Variants in RELN observed in about 807,000 individuals in gnomAD.
RELN encodes the protein reelin.
A neutral mutation model predicts 427.6 loss-of-function variants in RELN; 108 were observed. That is an observed-to-expected ratio of 0.25 (90% CI 0.22 to 0.30). The LOEUF is 0.30. RELN is among the 10% of genes least tolerant of loss of function. The pLI, the probability that RELN is intolerant of heterozygous loss-of-function variation, is 1.00. For synonymous variants in RELN, 1,524 were observed against 1,513.4 expected, an observed-to-expected ratio of 1.01 and a Z score of -0.16; for missense variants, 3,715 against 4,302.8, an observed-to-expected ratio of 0.86 and a Z score of 3.82.
intron 22 of RELN, among the ~76,000 whole-genome samples, chr7:103,605,741 T>C (rs1342338230): frequency 3.3e-5 from 5 of 152,216 alleles, no homozygotes; most frequent in Non-Finnish European, 5.9e-5. Context: ...TTAAAGTCTA[T>C]TGCATCAATT....
intron 51 of RELN, 71 bp from the exon 52 acceptor site, chr7:103,503,301 CA>C: frequency 2.2e-6 from 3 of 1,353,962 alleles, no homozygotes; most frequent in East Asian, 2.3e-5. Flanking sequence ...GACTTGGCAG[CA>C]AAAAAGCTGC....
At chr7:103,754,920 G>C (rs1791095865) in intron 4 of RELN, among the ~76,000 whole-genome samples, 1 of 152,186 alleles carries the variant, frequency 6.6e-6, no homozygotes, top group South Asian at 2.1e-4. Flanking sequence ...AGAGCTAAGA[G>C]AGTTGAAGGA....
intron 27 of RELN, among the ~76,000 whole-genome samples, chr7:103,592,762 G>A (rs2109697): frequency 0.77 from 117,444 of 152,162 alleles, 46,308 homozygotes; most frequent in African/African-American, 0.94. Context: ...ACAGCATAGT[G>A]TTCTGCAAAT....
Position 103,491,992 on chromosome 7 carries a change from TCAC to T in RELN, c.9401_9403del (p.Gly3134del), listed in dbSNP as rs1456760102. 4 of 1,613,360 alleles carry T rather than the reference TCAC, an allele frequency of 2.5e-6. No homozygotes were observed. Among genetic ancestry groups the T allele is most frequent in the South Asian group, 1.1e-5 (1 of 90,950 alleles). On this transcript the variant is annotated inframe_deletion, in exon 58 of 65. Coordinates refer to ENST00000428762, the MANE Select transcript of RELN (RefSeq NM_005045.4). ...GTATTCCAGCATTACGGAATGAAGGTCACCACAAGAAGTGGCTTCACAACCCAC... is the reference window on the plus strand; with the variant it reads ...GTATTCCAGCATTACGGAATGAAGGTCACAAGAAGTGGCTTCACAACCCAC...
At chr7:103,756,322 T>C (rs981279719) in intron 4 of RELN, among the ~76,000 whole-genome samples, 1 of 152,194 alleles carries the variant, frequency 6.6e-6, no homozygotes, top group Non-Finnish European at 1.5e-5. Context: ...AGTTGTATTT[T>C]TTAAAACCTC....
intron 49 of RELN, 97 bp downstream of exon 49, chr7:103,519,226 G>A: frequency 1.1e-6 from 1 of 891,788 alleles, no homozygotes; most frequent in Non-Finnish European, 1.9e-6. Flanking sequence ...CTCTAGTGAG[G>A]CATAAGTCTG....
Position 103,989,417 on chromosome 7 carries a change from A to G in RELN, c.-61T>C. The stretch of plus-strand genomic sequence containing the variant: ...GCGCCGCTCGCTCATTCAGTTTTGG[A>G]GACGCCGGGACGGAGGAGCCACGCG... On this transcript the variant is annotated 5_prime_UTR_variant, in exon 1 of 65. Coordinates refer to ENST00000428762, the MANE Select transcript of RELN (RefSeq NM_005045.4). The surrounding 1 kb of genome is among the most constrained non-coding windows in gnomAD (Gnocchi z 4.9). 1 of 1,349,242 alleles carries G rather than the reference A, an allele frequency of 7.4e-7. No individual in the cohort carries two copies. The highest frequency in any genetic ancestry group is 9.5e-7 in the Non-Finnish European group (1 of 1,050,730). The allele number at this position is 1,349,242 out of a possible 1,614,324, so 83.6% of individuals were successfully genotyped here. A position where few individuals can be genotyped will look rare whatever the true frequency, so the allele number is the denominator to read the frequency against.
intron 6 of RELN, among the ~76,000 whole-genome samples, chr7:103,741,843 G>A (rs540233840): frequency 1.3e-4 from 20 of 152,276 alleles, no homozygotes; most frequent in Non-Finnish European, 2.1e-4. Flanking sequence ...GAACAGCTCC[G>A]GTCTACAGCT....
At chr7:103,505,415 C>T (rs1562858714) in intron 51 of RELN, among the ~76,000 whole-genome samples, 1 of 152,126 alleles carries the variant, frequency 6.6e-6, no homozygotes, top group South Asian at 2.1e-4. Flanking sequence ...GTTGGTGATA[C>T]CTAGGCAAAC....
chr7:103,562,066 C>T (rs1830656865), intron 34 of RELN, 113 bp from the exon 35 acceptor site: 1 of 1,250,826 alleles, frequency 8.0e-7, no homozygotes, highest in Non-Finnish European at 1.1e-6. Flanking sequence ...CCTCCAGGGT[C>T]CAGTTCTCTC....
At chr7:103,793,306 A>C (rs976017176) in intron 3 of RELN, among the ~76,000 whole-genome samples, 1 of 152,206 alleles carries the variant, frequency 6.6e-6, no homozygotes, top group East Asian at 1.9e-4. Context: ...CACTCAGGCA[A>C]ATCTACAACT....
intron 6 of RELN, among the ~76,000 whole-genome samples, chr7:103,733,557 C>T (rs1251369830): frequency 8.2e-5 from 12 of 147,100 alleles, no homozygotes; most frequent in Middle Eastern, 3.4e-3. Context: ...CCAACAATGA[C>T]AGACTGGATT....
At chr7:103,759,182 T>C (rs1023495080) in intron 4 of RELN, among the ~76,000 whole-genome samples, 3 of 152,104 alleles carry the variant, frequency 2.0e-5, no homozygotes, top group Admixed American at 6.5e-5. Context: ...CTAATCACCA[T>C]AAGCTAGCAA....
intron 52 of RELN, among the ~76,000 whole-genome samples, chr7:103,502,067 G>A (rs1410011685): frequency 1.3e-5 from 2 of 152,214 alleles, no homozygotes; most frequent in Non-Finnish European, 2.9e-5. Flanking sequence ...CGCTGTCCCT[G>A]AAGACACCGT....
At chr7:103,893,073 G>T (rs1299193598) in intron 2 of RELN, among the ~76,000 whole-genome samples, 1 of 152,104 alleles carries the variant, frequency 6.6e-6, no homozygotes, top group Non-Finnish European at 1.5e-5. Flanking sequence ...GGGTAGAGGA[G>T]AAAAATACAT....
chr7:103,501,264 C>A (rs1829018454), intron 52 of RELN, among the ~76,000 whole-genome samples: 1 of 152,142 alleles, frequency 6.6e-6, no homozygotes, highest in African/African-American at 2.4e-5. Flanking sequence ...GGTCATGATG[C>A]AATTTAGATT....
In RELN at chr7:103,561,937, A is replaced by G. The variant is rs773427684; in HGVS notation, c.5227T>C (p.Phe1743Leu). Residue 1743 changes from phenylalanine to leucine, a missense_variant, in exon 35 of 65, where the codon TTC becomes CTC. Physicochemically the swap from Phe to Leu is conservative, Grantham distance 22. This residue lies in a region of RELN where 2,208 missense variants were observed against 2,361.7 expected (regional missense o/e 0.93). Coordinates refer to ENST00000428762, the MANE Select transcript of RELN (RefSeq NM_005045.4). ...PLSTISPRTR[F>L]RWIQANYTVG... is the part of the protein sequence containing the mutation. ...GTGTAGTTGGCCTGAATCCATCTGAACCGGGTCCTGGGAGAACTAACCAAA... is the reference window on the plus strand; with the variant it reads ...GTGTAGTTGGCCTGAATCCATCTGAGCCGGGTCCTGGGAGAACTAACCAAA... 4.0e-6 allele frequency: 6 copies of G among 1,505,792 alleles called. No individual in the cohort carries two copies. The highest frequency in any genetic ancestry group is 4.5e-6 in the Non-Finnish European group (5 of 1,113,536). 93.3% of individuals were successfully genotyped at this position (1,505,792 alleles called of 1,614,324 possible).
At chr7:103,851,035 T>A (rs749234495) in intron 2 of RELN, among the ~76,000 whole-genome samples, 2 of 152,182 alleles carry the variant, frequency 1.3e-5, no homozygotes, top group Non-Finnish European at 2.9e-5. Context: ...TGCACAGGCG[T>A]ATTTATTGCA....
At chr7:103,983,402 C>T (rs1339188782) in intron 1 of RELN, among the ~76,000 whole-genome samples, 1 of 152,170 alleles carries the variant, frequency 6.6e-6, no homozygotes, top group Non-Finnish European at 1.5e-5. Flanking sequence ...ACTTTCTGAG[C>T]CACATAACTG....
Sources: allele counts gnomAD v4.1 joint callset (sites outside exome capture counted in the v4.1 genomes callset), GRCh38; gene constraint gnomAD v4.1.1; regional missense constraint gnomAD v4.1.1; non-coding constraint Gnocchi (gnomAD v3.1); transcripts MANE v1.5; gene names NCBI Gene and HGNC (gene_info 2026-07-23, HGNC 2026-07-21).